Variants in TAFA1 observed in about 807,000 individuals in gnomAD.
The protein encoded by TAFA1 is TAFA chemokine like family member 1.
A neutral mutation model predicts 18.5 loss-of-function variants in TAFA1; 4 were observed. The ratio of observed to expected loss-of-function variants is 0.22; its 90% CI spans 0.11 to 0.49. The LOEUF (loss-of-function observed/expected upper bound fraction) is 0.49, where lower values mean the gene tolerates loss of function less well. Ranked by LOEUF, TAFA1 falls within the 20% of genes least tolerant of loss-of-function variation. TAFA1 has a pLI of 0.98. For missense variants in TAFA1, 147 were observed against 169.0 expected, an observed-to-expected ratio of 0.87 and a Z score of 0.72; for synonymous variants, 56 against 55.2, an observed-to-expected ratio of 1.01 and a Z score of -0.06.
chr3:68,139,036 A>G (rs879504614), intron 2 of TAFA1, among the ~76,000 whole-genome samples: 3 of 152,180 alleles, frequency 2.0e-5, no homozygotes, highest in Non-Finnish European at 4.4e-5. Flanking sequence ...CCATGTAGAA[A>G]CAGGCAGATT....
At chr3:68,160,807 T>C (rs889710138) in intron 2 of TAFA1, among the ~76,000 whole-genome samples, 4 of 152,174 alleles carry the variant, frequency 2.6e-5, no homozygotes, top group African/African-American at 9.7e-5. Context: ...TCCAATGCCC[T>C]CTCAGAGCTG....
At chr3:68,509,157 C>A (rs899301730) in intron 3 of TAFA1, among the ~76,000 whole-genome samples, 4 of 152,060 alleles carry the variant, frequency 2.6e-5, no homozygotes, top group African/African-American at 7.2e-5. Flanking sequence ...GTGCTAGGTA[C>A]TTCATATGTA....
At chr3:68,133,051 G>A (rs1219778202) in intron 2 of TAFA1, among the ~76,000 whole-genome samples, 3 of 152,142 alleles carry the variant, frequency 2.0e-5, no homozygotes, top group Non-Finnish European at 4.4e-5. Context: ...TGTACAAGGT[G>A]TAAGGAAGGG....
intron 2 of TAFA1, among the ~76,000 whole-genome samples, chr3:68,235,220 C>A (rs1474447778): frequency 6.6e-6 from 1 of 152,050 alleles, no homozygotes; most frequent in Non-Finnish European, 1.5e-5. Context: ...TTATTCCAAC[C>A]GATGAATTTT....
intron 2 of TAFA1, among the ~76,000 whole-genome samples, chr3:68,113,888 GTTTTTTTTGT>G (rs1415445691): frequency 5.2e-5 from 3 of 57,886 alleles, no homozygotes; most frequent in African/African-American, 1.4e-4. Context: ...TTGGGGTGTA[GTTTTTTTTGT>G]TTTTTTTTTT....
chr3:68,340,670 A>T (rs148133429), intron 2 of TAFA1, among the ~76,000 whole-genome samples: 128 of 152,280 alleles, frequency 8.4e-4, no homozygotes, highest in African/African-American at 2.9e-3. Flanking sequence ...TAGCCTAGGC[A>T]CATTAGATTC....
chr3:68,475,540 T>G (rs189239408), intron 3 of TAFA1, among the ~76,000 whole-genome samples: 101 of 152,368 alleles, frequency 6.6e-4, no homozygotes, highest in African/African-American at 2.2e-3. Context: ...GTGCCACATT[T>G]TCTTAATCCA....
At chr3:68,087,309 A>G (rs1008501645) in intron 2 of TAFA1, among the ~76,000 whole-genome samples, 2 of 152,150 alleles carry the variant, frequency 1.3e-5, no homozygotes, top group African/African-American at 4.8e-5. Flanking sequence ...GATAATTACT[A>G]TCAATATTTT....
chr3:68,153,062 C>A (rs1161055014), intron 2 of TAFA1, among the ~76,000 whole-genome samples: 1 of 152,082 alleles, frequency 6.6e-6, no homozygotes, highest in Non-Finnish European at 1.5e-5. Flanking sequence ...GTTGGGCAGA[C>A]AAATCAATGA....
At chr3:68,526,195 TC>T (rs2073109859) in intron 3 of TAFA1, among the ~76,000 whole-genome samples, 1 of 152,158 alleles carries the variant, frequency 6.6e-6, no homozygotes, top group South Asian at 2.1e-4. Flanking sequence ...GCCAAGAGCA[TC>T]TCCCTGGGAG....
intron 2 of TAFA1, chr3:68,145,210 T>TTCA: frequency 1.2e-6 from 1 of 800,538 alleles, no homozygotes; most frequent in Non-Finnish European, 2.3e-6. Flanking sequence ...CTGCAAATTC[T>TTCA]GAACTTGGGG....
intron 3 of TAFA1, among the ~76,000 whole-genome samples, chr3:68,440,479 A>T (rs2071356406): frequency 6.6e-6 from 1 of 152,194 alleles, no homozygotes; most frequent in Non-Finnish European, 1.5e-5. Context: ...ACATGTTTTT[A>T]ACAAAAGGAG....
chr3:68,149,681 C>G (rs567977370), intron 2 of TAFA1, among the ~76,000 whole-genome samples: 1 of 152,328 alleles, frequency 6.6e-6, no homozygotes, highest in East Asian at 1.9e-4. Context: ...CCCCATGACC[C>G]AAACACCTCG....
chr3:68,080,892 A>G (rs2064889715), intron 2 of TAFA1, among the ~76,000 whole-genome samples: 1 of 152,102 alleles, frequency 6.6e-6, no homozygotes, highest in South Asian at 2.1e-4. Context: ...CTCCTGGATA[A>G]TATCCTGCAG....
At chr3:68,487,748 T>C (rs2072372403) in intron 3 of TAFA1, among the ~76,000 whole-genome samples, 1 of 112,090 alleles carries the variant, frequency 8.9e-6, no homozygotes, top group Admixed American at 9.2e-5. Context: ...CGAAACTCTG[T>C]CTCAAAAAAA....
At chr3:68,308,869 G>A (rs932305284) in intron 2 of TAFA1, among the ~76,000 whole-genome samples, 1 of 152,108 alleles carries the variant, frequency 6.6e-6, no homozygotes, top group Non-Finnish European at 1.5e-5. Flanking sequence ...CACTGGAATA[G>A]TATCTTAATT....
intron 2 of TAFA1, among the ~76,000 whole-genome samples, chr3:68,259,018 C>T (rs752568133): frequency 2.0e-5 from 3 of 152,210 alleles, no homozygotes; most frequent in Non-Finnish European, 4.4e-5. Context: ...TTCCCAAAGG[C>T]ACACGTGGGC....
At chr3:68,091,320 T>TA (rs1437491955) in intron 2 of TAFA1, among the ~76,000 whole-genome samples, 5 of 152,184 alleles carry the variant, frequency 3.3e-5, no homozygotes, top group African/African-American at 1.2e-4. Flanking sequence ...TGGTATATCT[T>TA]AAAGTTAGTA....
At chr3:68,233,906 A>G (rs2066898936) in intron 2 of TAFA1, among the ~76,000 whole-genome samples, 1 of 152,184 alleles carries the variant, frequency 6.6e-6, no homozygotes, top group Non-Finnish European at 1.5e-5. Context: ...AGCATTAAAT[A>G]AATTCCCATT....
Sources: allele counts gnomAD v4.1 joint callset (sites outside exome capture counted in the v4.1 genomes callset), GRCh38; gene constraint gnomAD v4.1.1; transcripts MANE v1.5; gene names NCBI Gene and HGNC (gene_info 2026-07-23, HGNC 2026-07-21).